The following FSTL4 variants were observed in gnomAD, a reference collection of about 807,000 sequenced individuals.
FSTL4 encodes the protein follistatin like 4.
FSTL4 carries 28 observed loss-of-function variants against 78.2 expected under a neutral mutation model. The observed-to-expected ratio is 0.36, with a 90% CI of 0.27 to 0.49. The LOEUF is 0.49. Among genes scored for constraint, FSTL4 ranks in the 20% least tolerant of loss-of-function variants. The pLI is 0.98. For missense variants in FSTL4, 922 were observed against 1,084.9 expected, an observed-to-expected ratio of 0.85 and a Z score of 2.11; for synonymous variants, 422 against 440.5, an observed-to-expected ratio of 0.96 and a Z score of 0.53.
At chr5:133,458,947 C>T (rs989437575) in intron 3 of FSTL4, among the ~76,000 whole-genome samples, 2 of 152,052 alleles carry the variant, frequency 1.3e-5, no homozygotes, top group Non-Finnish European at 2.9e-5. Flanking sequence ...GGAGGAGAGG[C>T]GCAGCGGACA....
chr5:133,515,634 A>T (rs138660962), intron 3 of FSTL4, among the ~76,000 whole-genome samples: 2 of 152,242 alleles, frequency 1.3e-5, no homozygotes, highest in Non-Finnish European at 2.9e-5. Flanking sequence ...TCTTCCTGTG[A>T]TAACATAAAT....
At chr5:133,595,733 G>C (rs776706001) in intron 2 of FSTL4, among the ~76,000 whole-genome samples, 76 of 152,212 alleles carry the variant, frequency 5.0e-4, no homozygotes, top group Non-Finnish European at 7.2e-4. Context: ...GAGGCAATCT[G>C]TGCCGGGCAC....
intron 3 of FSTL4, among the ~76,000 whole-genome samples, chr5:133,429,452 G>C (rs1426009264): frequency 2.0e-5 from 3 of 152,040 alleles, no homozygotes; most frequent in South Asian, 4.2e-4. Flanking sequence ...CTGGTACCAG[G>C]TCTATGCTCG....
intron 6 of FSTL4, among the ~76,000 whole-genome samples, chr5:133,305,364 G>A (rs771309143): frequency 6.6e-6 from 1 of 152,158 alleles, no homozygotes; most frequent in Non-Finnish European, 1.5e-5. Flanking sequence ...CTGTGGTGGC[G>A]GCCTTTCTAC....
chr5:133,488,653 T>C (rs1021298927), intron 3 of FSTL4, among the ~76,000 whole-genome samples: 2 of 152,220 alleles, frequency 1.3e-5, no homozygotes, highest in Non-Finnish European at 1.5e-5. Context: ...ATGAGAAATA[T>C]GCTATTAAAA....
At chr5:133,571,361 T>C (rs1760150342) in intron 2 of FSTL4, among the ~76,000 whole-genome samples, 2 of 152,228 alleles carry the variant, frequency 1.3e-5, no homozygotes, top group African/African-American at 4.8e-5. Flanking sequence ...CAATTTTTCA[T>C]ATATAATCTC....
chr5:133,523,197 G>A (rs745315326), intron 3 of FSTL4, among the ~76,000 whole-genome samples: 3 of 152,228 alleles, frequency 2.0e-5, no homozygotes, highest in Non-Finnish European at 4.4e-5. Flanking sequence ...GACACAGCAA[G>A]AAGGTAGCTG....
In FSTL4 at chr5:133,217,379, C is replaced by T. The variant is rs1275948760; in HGVS notation, c.1459-1G>A. On this transcript the variant is annotated splice_acceptor_variant, in intron 12 of 15. Transcript: ENST00000265342. LOFTEE classifies it high-confidence loss of function. ...TTTCTCTTTGAGGACAGATTTCTTCCTGCAAAGGAGATAGGCTGTCATATA... is the reference window on the plus strand; with the variant it reads ...TTTCTCTTTGAGGACAGATTTCTTCTTGCAAAGGAGATAGGCTGTCATATA... 1 of 1,613,920 alleles carries T rather than the reference C, an allele frequency of 6.2e-7. No homozygotes were observed. Among genetic ancestry groups the T allele is most frequent in the Non-Finnish European group, 8.5e-7 (1 of 1,179,864 alleles).
At chr5:133,370,074 C>A (rs534495400) in intron 4 of FSTL4, among the ~76,000 whole-genome samples, 2 of 152,300 alleles carry the variant, frequency 1.3e-5, no homozygotes, top group South Asian at 2.1e-4. Context: ...TTCCTGGCCA[C>A]CCAGCTCTTA....
intron 4 of FSTL4, among the ~76,000 whole-genome samples, chr5:133,326,766 A>G (rs1324439512): frequency 6.6e-6 from 1 of 152,176 alleles, no homozygotes; most frequent in Non-Finnish European, 1.5e-5. Flanking sequence ...CCTATCTCCT[A>G]GACTGAGCTT....
At chr5:133,480,169 C>T (rs927076060) in intron 3 of FSTL4, among the ~76,000 whole-genome samples, 1 of 152,338 alleles carries the variant, frequency 6.6e-6, no homozygotes, top group Admixed American at 6.5e-5. Flanking sequence ...GAGGGACTCA[C>T]AGGCTGGAGC....
At chr5:133,343,033 T>G (rs931780469) in intron 4 of FSTL4, among the ~76,000 whole-genome samples, 9 of 152,136 alleles carry the variant, frequency 5.9e-5, no homozygotes, top group Admixed American at 5.2e-4. Context: ...CTTTCCTTCT[T>G]CCTAGAAGCA....
intron 8 of FSTL4, among the ~76,000 whole-genome samples, chr5:133,226,582 C>A (rs1431501079): frequency 6.6e-6 from 1 of 152,234 alleles, no homozygotes. Flanking sequence ...AGATAAGTAT[C>A]ATTTTTAGTG....
In FSTL4 at chr5:133,596,252, T is replaced by G. The variant is rs1760735193; in HGVS notation, c.126+7606A>C. Among the ~76,000 whole-genome samples the G allele has an allele frequency of 1.3e-5, 2 of 152,156 alleles. 1 individual carries two copies. Among genetic ancestry groups the G allele is most frequent in the South Asian group, 4.1e-4 (2 of 4,826 alleles). ...GTCCTCTGAAAAAGCAGGCCATGCT[T>G]CAGGGGCCCAGGCCCCTGGCTGGGG... On this transcript the variant is annotated intron_variant, in intron 2 of 15. Coordinates refer to ENST00000265342, the MANE Select transcript of FSTL4 (RefSeq NM_015082.2).
At chr5:133,224,118 TG>T in intron 11 of FSTL4, 71 bp downstream of exon 11, 1 of 1,243,730 alleles carries the variant, frequency 8.0e-7, no homozygotes. Flanking sequence ...TGGCAGATCA[TG>T]GAAAGACGGC....
the FSTL4 span, among the ~76,000 whole-genome samples, chr5:133,693,012 T>C: frequency 6.6e-6 from 1 of 152,362 alleles, no homozygotes; most frequent in South Asian, 2.1e-4. Flanking sequence ...TGCTCCATGA[T>C]GGCAGAACTA....
At chr5:133,221,913 T>TTTTTTTTTTTTTTTTTTTTTTTTTG (rs1751140299) in intron 11 of FSTL4, among the ~76,000 whole-genome samples, 5 of 97,840 alleles carry the variant, frequency 5.1e-5, no homozygotes, top group East Asian at 3.2e-4. Flanking sequence ...TTTTTTTTTT[T>TTTTTTTTTTTTTTTTTTTTTTTTTG]TTTTTTTTTT....
At chr5:133,816,151 C>A in the FSTL4 span, among the ~76,000 whole-genome samples, 1 of 152,098 alleles carries the variant, frequency 6.6e-6, no homozygotes, top group African/African-American at 2.4e-5. Flanking sequence ...TACTGAGCAC[C>A]CTGGAAGCTG....
chr5:133,837,763 T>C, the FSTL4 span, among the ~76,000 whole-genome samples: 1 of 152,194 alleles, frequency 6.6e-6, no homozygotes, highest in African/African-American at 2.4e-5. Context: ...GATCAACATC[T>C]CAGGCATTTC....
Sources: allele counts gnomAD v4.1 joint callset (sites outside exome capture counted in the v4.1 genomes callset), GRCh38; gene constraint gnomAD v4.1.1; transcripts MANE v1.5; gene names NCBI Gene and HGNC (gene_info 2026-07-23, HGNC 2026-07-21).